Variants in MED23 observed in about 807,000 individuals in gnomAD.
The protein encoded by MED23 is mediator complex subunit 23.
MED23 carries 105 observed loss-of-function variants against 163.9 expected under a neutral mutation model. The ratio of observed to expected loss-of-function variants is 0.64; its 90% confidence interval spans 0.55 to 0.75. MED23 has a LOEUF of 0.75. Ranked by LOEUF, MED23 falls within the 30% of genes least tolerant of loss-of-function variation. The probability of loss-of-function intolerance (pLI) is 0.00; values close to 1 mark genes in which losing one functional copy is unlikely to be tolerated. For synonymous variants in MED23, 561 were observed against 565.6 expected, an observed-to-expected ratio of 0.99 and a Z score of 0.12; for missense variants, 1,054 against 1,649.0, an observed-to-expected ratio of 0.64 and a Z score of 6.25.
downstream of MED23, among the ~76,000 whole-genome samples, chr6:131,585,431 T>C (rs1378602451): frequency 1.3e-5 from 2 of 152,236 alleles, no homozygotes; most frequent in East Asian, 1.9e-4. Flanking sequence ...TTTCCTCTAA[T>C]AACTCCTAGG....
At chr6:131,623,020 C>T (rs1367674965) in intron 5 of MED23, among the ~76,000 whole-genome samples, 1 of 152,204 alleles carries the variant, frequency 6.6e-6, no homozygotes, top group Admixed American at 6.5e-5. Flanking sequence ...ATGCCTACAT[C>T]CCTTCTCAGT....
At chr6:131,574,776 T>G (rs1259272008) in intron 30 of MED23, among the ~76,000 whole-genome samples, 1 of 152,184 alleles carries the variant, frequency 6.6e-6, no homozygotes, top group Non-Finnish European at 1.5e-5. Flanking sequence ...CTGTCTCACC[T>G]CCTTGAAAGG....
intron 21 of MED23, 158 bp from the exon 22 acceptor site, chr6:131,596,321 C>CTT (rs1775044331): frequency 2.4e-6 from 2 of 846,986 alleles, no homozygotes; most frequent in African/African-American, 3.5e-5. Context: ...GTCCTTATGT[C>CTT]CACTAAAACT....
chr6:131,615,503 C>CAAAAAAAAAAAAAAAAAAAAAA lies in MED23; in HGVS notation c.876+382_876+403dup, dbSNP rs917020235. Reference sequence around the variant, plus strand: ...CCACCAAAAACAAGCAAACACACACCAAAAAAAAAAAAAAAAAAAAAAAAA... The same window carrying CAAAAAAAAAAAAAAAAAAAAAA: ...CCACCAAAAACAAGCAAACACACACCAAAAAAAAAAAAAAAAAAAAAAAAAAAAAAAAAAAAAAAAAAAAAAA... On this transcript the variant is annotated intron_variant, in intron 10 of 28. Transcript: ENST00000368068. Among the ~76,000 whole-genome samples, 16 of 14,158 alleles carry CAAAAAAAAAAAAAAAAAAAAAA rather than the reference C, an allele frequency of 1.1e-3. 4 individuals are homozygous for CAAAAAAAAAAAAAAAAAAAAAA. The highest frequency in any genetic ancestry group is 2.6e-3 in the East Asian group (1 of 392). The allele number at this position is 14,158 out of a possible 152,430, so 9.3% of individuals were successfully genotyped here.
chr6:131,590,605 G>C (rs1774533371), intron 26 of MED23, among the ~76,000 whole-genome samples, 163 bp from the exon 27 acceptor site: 1 of 151,956 alleles, frequency 6.6e-6, no homozygotes, highest in African/African-American at 2.4e-5. Flanking sequence ...TCTCTCACTG[G>C]CTATTACTTT....
rs756261655 is a variant in MED23 at position 131,589,476 on chromosome 6, C to T, written c.3928G>A (p.Val1310Met). 23 of 1,613,210 alleles carry T rather than the reference C, an allele frequency of 1.4e-5. No individual in the cohort carries two copies. Among genetic ancestry groups the T allele is most frequent in the Admixed American group, 5.0e-5 (3 of 59,958 alleles). Residue 1310 changes from valine (V) to methionine (M), a missense_variant, in exon 28 of 29, where the codon GTG (valine) becomes ATG (methionine). By Grantham distance (21) the Val-to-Met change is conservative. This residue lies in a region of MED23 where 362 missense variants were observed against 471.6 expected (regional missense o/e 0.77). Transcript: ENST00000368068. ...HMKYMFTGDS[V>M]KEQVEKIICN... is the part of the protein sequence containing the mutation. ...CAAATTCAACTTACTTGCTCTTTCA[C>T]GCTGTCACCAGTAAACATATACTTC... is the stretch of plus-strand genomic sequence containing the variant.
chr6:131,616,057 A>T (rs1233244727), intron 9 of MED23, 55 bp from the exon 10 acceptor site: 3 of 1,370,350 alleles, frequency 2.2e-6, no homozygotes, highest in Non-Finnish European at 3.1e-6. Flanking sequence ...CATTAATCCA[A>T]ATTATTAGAA....
At chr6:131,583,980 G>A, downstream of MED23, 1 of 1,536,374 alleles carries the variant, frequency 6.5e-7, no homozygotes, top group Non-Finnish European at 9.0e-7. Flanking sequence ...CTTAAGCATA[G>A]AGTTATCCTT....
At position 131,624,989 on chromosome 6, in the gene MED23, C is replaced by A; in HGVS notation, c.160G>T (p.Glu54Ter). Reference sequence around the variant, plus strand: ...CACTGGATACACTGTTCATGAGACTCCTGGAAAATGAGAGAATGATTTTAC... The same window carrying A: ...CACTGGATACACTGTTCATGAGACTACTGGAAAATGAGAGAATGATTTTAC... ...FRQFWGGLSQ[E>*]SHEQCIQWIV... Residue 54 changes from glutamate to a stop codon, truncating the protein, a stop_gained and splice_region_variant, in exon 4 of 29, where the codon GAG (glutamate) becomes TAG (stop). Transcript: ENST00000368068. LOFTEE classifies it high-confidence loss of function. The A allele has an allele frequency of 6.2e-7, 1 of 1,613,410 alleles. No homozygotes were observed. Among genetic ancestry groups the A allele is most frequent in the Non-Finnish European group, 8.5e-7 (1 of 1,179,868 alleles).
At position 131,579,127 on chromosome 6, in the gene MED23, T is replaced by C. The variant is rs1773783430; in HGVS notation, c.4096-4832A>G. Reference sequence around the variant, plus strand: ...TAATTTTAGAGTGTGATGTGAAGGATTATGGGGACCTGCCCTTTGCTGACA... The same window carrying C: ...TAATTTTAGAGTGTGATGTGAAGGACTATGGGGACCTGCCCTTTGCTGACA... On this transcript the variant is annotated intron_variant, in intron 30 of 30. Coordinates refer to the MED23 transcript ENST00000354577. The C allele has an allele frequency of 1.9e-6, 3 of 1,614,034 alleles. No individual in the cohort carries two copies. Among genetic ancestry groups the C allele is most frequent in the Non-Finnish European group, 2.5e-6 (3 of 1,180,002 alleles).
At chr6:131,584,708 T>C (rs1243235190), downstream of MED23, among the ~76,000 whole-genome samples, 1 of 152,000 alleles carries the variant, frequency 6.6e-6, no homozygotes, top group Non-Finnish European at 1.5e-5. Context: ...CCTGGCTGGA[T>C]GTGGTGGCTC....
At chr6:131,621,078 A>T (rs1419276375) in intron 6 of MED23, among the ~76,000 whole-genome samples, 1 of 152,196 alleles carries the variant, frequency 6.6e-6, no homozygotes, top group Non-Finnish European at 1.5e-5. Flanking sequence ...CTGGGATTAC[A>T]GACATGCGCC....
chr6:131,620,073 C>T (rs1316782591), intron 7 of MED23, among the ~76,000 whole-genome samples, 177 bp from the exon 8 acceptor site: 4 of 152,148 alleles, frequency 2.6e-5, no homozygotes, highest in Non-Finnish European at 5.9e-5. Context: ...CTCGCCAGTT[C>T]ATCTGTCCCT....
At position 131,607,984 on chromosome 6, in the gene MED23, G is replaced by A; in HGVS notation, c.1165C>T (p.Leu389=). Residue 389 remains leucine (L), a synonymous_variant, in exon 12 of 29, where the codon CTA becomes TTA. Transcript: ENST00000368068. The stretch of plus-strand genomic sequence containing the variant: ...TTCATCACAGGGAGAAAATCAGCTA[G>A]TGCATTTTTCTGAATACTTCCAGAA... ...FISGSIQKNA[L]ADFLPVMKLF... 6.2e-7 allele frequency: 1 copy of A among 1,613,874 alleles called. No homozygotes were observed. The highest frequency in any genetic ancestry group is 1.3e-5 in the African/African-American group (1 of 75,028).
Position 131,598,610 on chromosome 6 carries a change from C to T in MED23, c.2372G>A (p.Cys791Tyr), listed in dbSNP as rs1775244711. 6.2e-7 allele frequency: 1 copy of T among 1,614,052 alleles called. No homozygotes were observed. Among genetic ancestry groups the T allele is most frequent in the Non-Finnish European group, 8.5e-7 (1 of 1,180,014 alleles). Residue 791 changes from cysteine (C) to tyrosine (Y), a missense_variant, in exon 19 of 29, where the codon TGT becomes TAT. Physicochemically the swap from Cys to Tyr is radical, Grantham distance 194. Around this residue, in one of 11 missense-constraint regions of MED23, gnomAD observed 228 missense variants for 461.3 expected, o/e 0.49. Transcript: ENST00000368068. The surrounding 1 kb of genome is among the most constrained non-coding windows in gnomAD (Gnocchi z 4.7). ...SMQGSPPLFL[C>Y]LLWKMLLETD... ...TTCCAAGAGCATTTTCCAGAGAAGACAAAGAAAGAGAGGAGGGGAGCCCTG... is the reference window on the plus strand; with the variant it reads ...TTCCAAGAGCATTTTCCAGAGAAGATAAAGAAAGAGAGGAGGGGAGCCCTG...
Position 131,579,211 on chromosome 6 carries a change from C to T in MED23, c.4096-4916G>A, listed in dbSNP as rs369393679. The T allele has an allele frequency of 4.7e-5, 76 of 1,613,928 alleles. No homozygotes were observed. Among genetic ancestry groups the T allele is most frequent in the Middle Eastern group, 1.6e-4 (1 of 6,084 alleles). ...ATCCAAGGTCTGTGGGAAAAGCAAG[C>T]GAGCAGCTGGCTGGCAAGGTGGCAG... On this transcript the variant is annotated intron_variant, in intron 30 of 30. Coordinates refer to the MED23 transcript ENST00000354577.
At chr6:131,620,877 ACTACAT>A in intron 6 of MED23, 148 bp from the exon 7 acceptor site, 1 of 530,666 alleles carries the variant, frequency 1.9e-6, no homozygotes, top group Non-Finnish European at 3.3e-6. Flanking sequence ...ATCATGGCTC[ACTACAT>A]CTTCAACCTC....
chr6:131,606,559 C>T lies in MED23; in HGVS notation c.1287G>A (p.Trp429Ter). 1 of 1,613,154 alleles carries T rather than the reference C, an allele frequency of 6.2e-7. No homozygotes were observed. The change falls in exon 13 of 29, where the codon TGG becomes TGA. Residue 429 changes from tryptophan to a stop codon, truncating the protein, a stop_gained. Coordinates refer to ENST00000368068, the MANE Select transcript of MED23 (RefSeq NM_004830.4). LOFTEE classifies it high-confidence loss of function. ...STHAFAMTCI[W>*]IHLNRKAQND... Reference sequence around the variant, plus strand: ...TTTGAGCTTTTCTATTGAGATGAATCCAAATACAGGTCATTGCAAAGGCAT... The same window carrying T: ...TTTGAGCTTTTCTATTGAGATGAATTCAAATACAGGTCATTGCAAAGGCAT...
intron 11 of MED23, 120 bp from the exon 12 acceptor site, chr6:131,608,191 G>GTC: frequency 9.2e-7 from 1 of 1,089,784 alleles, no homozygotes; most frequent in Admixed American, 1.9e-5. Context: ...CTCTGAGAAA[G>GTC]TCAGCATCTA....
Sources: gnomAD v4.1 joint callset for allele counts (sites outside exome capture counted in the v4.1 genomes callset) on GRCh38, gnomAD v4.1.1 for gene constraint, gnomAD v4.1.1 regional missense constraint, Gnocchi (gnomAD v3.1) non-coding constraint, MANE v1.5 for transcripts, NCBI Gene and HGNC (gene_info 2026-07-23, HGNC 2026-07-21) for gene names.